The following PUM1 variants were observed in gnomAD, a reference collection of about 807,000 sequenced individuals.
The protein encoded by PUM1 is pumilio RNA binding family member 1.
A neutral mutation model predicts 131.8 loss-of-function variants in PUM1; 13 were observed. The ratio of observed to expected loss-of-function variants is 0.10; its 90% CI spans 0.06 to 0.16. PUM1 has a LOEUF of 0.16. Ranked by LOEUF, PUM1 falls within the 10% of genes least tolerant of loss-of-function variation. The pLI is 1.00. For missense variants in PUM1, 961 were observed against 1,512.4 expected (o/e 0.64, Z 6.05); for synonymous variants, 509 against 556.5 (o/e 0.91, Z 1.20).
At chr1:31,035,526 C>T (rs376572622) in intron 2 of PUM1, among the ~76,000 whole-genome samples, 9 of 152,134 alleles carry the variant, frequency 5.9e-5, no homozygotes, top group African/African-American at 1.7e-4. Flanking sequence ...CCGAGGCGGG[C>T]GGATCACCTG....
rs58664754 is a variant in PUM1, at chr1:30,933,439, TACACACACACACAC to T, written c.3436-111_3436-98del. The stretch of plus-strand genomic sequence containing the variant: ...TTGCATGTCATGCATCACACACACA[TACACACACACACAC>T]ACACACACACACACACACACACACA... On this transcript the variant is annotated intron_variant, in intron 21 of 21. Transcript: ENST00000426105. 1.8e-3 allele frequency: 653 copies of T among 363,934 alleles called. 1 individual carries two copies. Among genetic ancestry groups the T allele is most frequent in the East Asian group, 2.4e-3 (27 of 11,228 alleles). 22.5% of individuals were successfully genotyped at this position (363,934 alleles called of 1,614,324 possible). A position where few individuals can be genotyped will look rare whatever the true frequency, so the allele number is the denominator to read the frequency against.
intron 2 of PUM1, among the ~76,000 whole-genome samples, chr1:31,040,124 T>C (rs1427749718): frequency 6.6e-6 from 1 of 152,214 alleles, no homozygotes; most frequent in Non-Finnish European, 1.5e-5. Context: ...CTCACTATGC[T>C]GCCACAGCTC....
intron 9 of PUM1, 135 bp downstream of exon 9, chr1:30,979,927 G>A (rs1641293745): frequency 1.6e-6 from 1 of 623,474 alleles, no homozygotes; most frequent in East Asian, 2.9e-5. Context: ...TATTAAGCTG[G>A]CAGGTAGATG....
chr1:31,049,732 T>A (rs1644061475), intron 2 of PUM1, among the ~76,000 whole-genome samples: 1 of 150,604 alleles, frequency 6.6e-6, no homozygotes, highest in Admixed American at 6.7e-5. Context: ...AAGGTAAAGA[T>A]ACATCATAAA....
chr1:30,955,850 A>G lies in PUM1; in HGVS notation c.2324-1869T>C, dbSNP rs1355091408. ...GATGAAACCAAAAGAAAATGACTCA[A>G]TGCAGAAATTTGTAAAATATTTACT... On this transcript the variant is annotated intron_variant, in intron 14 of 21. Transcript: ENST00000426105. Among the ~76,000 whole-genome samples, 4 of 152,358 alleles carry G rather than the reference A, an allele frequency of 2.6e-5. No individual in the cohort carries two copies. In the East Asian group the frequency reaches 7.7e-4, roughly 29 times the overall value.
chr1:30,985,486 C>T lies in PUM1; in HGVS notation c.1159-4081G>A, dbSNP rs139471534. On this transcript the variant is annotated intron_variant, in intron 7 of 21. Coordinates refer to ENST00000426105, the MANE Select transcript of PUM1 (RefSeq NM_001020658.2). ...TGACCAATATGGAGAAACCCCATCT[C>T]TAATAAAAATACAAAATTAGCCGGG... 1.4e-3 allele frequency among the ~76,000 whole-genome samples: 216 copies of T among 152,118 alleles called. 1 individual carries two copies. The highest frequency in any genetic ancestry group is 2.4e-3 in the Non-Finnish European group (161 of 67,996).
intron 2 of PUM1, among the ~76,000 whole-genome samples, chr1:31,034,341 G>A (rs1643535563): frequency 6.6e-6 from 1 of 152,076 alleles, no homozygotes; most frequent in Admixed American, 6.5e-5. Context: ...AAATCACACT[G>A]AAAATTTCCA....
At chr1:30,946,616 G>A (rs1335875101) in intron 17 of PUM1, among the ~76,000 whole-genome samples, 6 of 131,458 alleles carry the variant, frequency 4.6e-5, no homozygotes, top group Non-Finnish European at 9.2e-5. Context: ...CAGCCTGAGC[G>A]ACAGAGCGAG....
chr1:31,044,103 T>C (rs554659620), intron 2 of PUM1, among the ~76,000 whole-genome samples: 6 of 152,132 alleles, frequency 3.9e-5, no homozygotes, highest in African/African-American at 1.4e-4. Flanking sequence ...TGAAATATTA[T>C]ACAAAAATAA....
chr1:31,015,762 C>T (rs996465526), intron 3 of PUM1, among the ~76,000 whole-genome samples: 1 of 151,580 alleles, frequency 6.6e-6, no homozygotes, highest in Non-Finnish European at 1.5e-5. Context: ...CAACCTCCGC[C>T]TCCTGGGTTC....
At chr1:31,041,401 A>G (rs951641199) in intron 2 of PUM1, among the ~76,000 whole-genome samples, 8 of 151,540 alleles carry the variant, frequency 5.3e-5, no homozygotes, top group African/African-American at 1.7e-4. Flanking sequence ...TTTTTTAAAG[A>G]AAAGCTATCC....
chr1:31,030,208 C>CA (rs202075874), intron 2 of PUM1, among the ~76,000 whole-genome samples: 3,650 of 146,792 alleles, frequency 0.025, 164 homozygotes, highest in African/African-American at 0.084. Flanking sequence ...GATTCTGTCT[C>CA]AAAAAAAAAC....
At chr1:30,990,285 T>C (rs1641736656) in intron 7 of PUM1, among the ~76,000 whole-genome samples, 1 of 152,182 alleles carries the variant, frequency 6.6e-6, no homozygotes, top group African/African-American at 2.4e-5. Context: ...GCTTACAATC[T>C]GGCAAGGACT....
At chr1:30,955,585 A>G (rs1246170783) in intron 14 of PUM1, among the ~76,000 whole-genome samples, 1 of 152,242 alleles carries the variant, frequency 6.6e-6, no homozygotes, top group South Asian at 2.1e-4. Context: ...TGTTTCCCCC[A>G]CCTCCTTTTA....
chr1:31,050,981 T>C (rs982168715), intron 2 of PUM1: 7 of 165,492 alleles, frequency 4.2e-5, no homozygotes, highest in Non-Finnish European at 8.1e-5. Context: ...ACGGCCTCAA[T>C]ATGCCCCACC....
chr1:30,960,067 C>T (rs1640342780), intron 14 of PUM1, among the ~76,000 whole-genome samples: 1 of 152,132 alleles, frequency 6.6e-6, no homozygotes, highest in Non-Finnish European at 1.5e-5. Context: ...AAGACAAACA[C>T]TTTACCTCCA....
chr1:31,059,726 A>T, intron 1 of PUM1, 149 bp from the exon 2 acceptor site: 1 of 861,678 alleles, frequency 1.2e-6, no homozygotes, highest in Non-Finnish European at 1.7e-6. Flanking sequence ...TCAGAACTCA[A>T]TACTACCACT....
At position 31,015,154 on chromosome 1, in the gene PUM1, A is replaced by T. The variant is rs1213313882; in HGVS notation, c.433-8052T>A. Among the ~76,000 whole-genome samples the T allele has an allele frequency of 1.3e-5, 2 of 152,216 alleles. 1 individual carries two copies. Among genetic ancestry groups the T allele is most frequent in the Non-Finnish European group, 2.9e-5 (2 of 68,026 alleles). ...TTGGATCAAGACTGGAAAGAAAAAT[A>T]AAAGCAGAAGAGTGTTTGTTAGTGC... On this transcript the variant is annotated intron_variant, in intron 3 of 21. Coordinates refer to ENST00000426105, the MANE Select transcript of PUM1 (RefSeq NM_001020658.2).
chr1:30,939,408 G>A (rs184084582), intron 20 of PUM1, among the ~76,000 whole-genome samples: 7 of 152,274 alleles, frequency 4.6e-5, no homozygotes, highest in South Asian at 2.1e-4. Context: ...AACCCCTTCC[G>A]GCTCTCTCCC....
Sources: gnomAD v4.1 joint callset for allele counts (sites outside exome capture counted in the v4.1 genomes callset) on GRCh38, gnomAD v4.1.1 for gene constraint, MANE v1.5 for transcripts, NCBI Gene and HGNC (gene_info 2026-07-23, HGNC 2026-07-21) for gene names.